The following NEDD1 variants were observed in gnomAD, a reference collection of about 807,000 sequenced individuals.
NEDD1 encodes the protein protein NEDD1.
NEDD1 carries 33 observed loss-of-function variants against 74.0 expected under a neutral mutation model. The observed-to-expected ratio is 0.45, with a 90% confidence interval of 0.34 to 0.60. The LOEUF is 0.60. NEDD1 is among the 20% of genes least tolerant of loss of function. The probability of loss-of-function intolerance (pLI) is 0.01; values close to 1 mark genes in which losing one functional copy is unlikely to be tolerated. For missense variants in NEDD1, 746 were observed against 776.5 expected (o/e 0.96, Z 0.47); for synonymous variants, 250 against 264.4 (o/e 0.95, Z 0.53).
At chr12:96,924,483 TAGC>T (rs1875474684) in intron 6 of NEDD1, among the ~76,000 whole-genome samples, 1 of 152,250 alleles carries the variant, frequency 6.6e-6, no homozygotes, top group Non-Finnish European at 1.5e-5. Flanking sequence ...TAATTTTTCT[TAGC>T]AGTGCTTTGT....
Position 96,912,752 on chromosome 12 carries a change from G to T in NEDD1, c.166G>T (p.Gly56Cys). 1 of 1,606,186 alleles carries T rather than the reference G, an allele frequency of 6.2e-7. No homozygotes were observed. Among genetic ancestry groups the T allele is most frequent in the Non-Finnish European group, 8.5e-7 (1 of 1,173,404 alleles). ...NNFLVTASSS[G>C]DKIVVSSCKC... ...CTTTTTAGTAACAGCATCTTCCAGT[G>T]GCGACAAAATAGTTGTCTCAAGTTG... The change falls in exon 4 of 16, where the codon GGC becomes TGC. Residue 56 changes from glycine to cysteine, a missense_variant. Around this residue, in one of 3 missense-constraint regions of NEDD1, gnomAD observed 706 missense variants for 706.7 expected, o/e 1.00. Coordinates refer to ENST00000266742, the MANE Select transcript of NEDD1 (RefSeq NM_152905.4).
intron 11 of NEDD1, among the ~76,000 whole-genome samples, chr12:96,943,217 T>C (rs1433042271): frequency 1.3e-5 from 2 of 152,038 alleles, no homozygotes; most frequent in Admixed American, 6.6e-5. Flanking sequence ...ACCACAGATA[T>C]ATACCAAATT....
At chr12:96,939,719 T>C (rs1699307811) in intron 9 of NEDD1, among the ~76,000 whole-genome samples, 1 of 152,072 alleles carries the variant, frequency 6.6e-6, no homozygotes, top group Non-Finnish European at 1.5e-5. Flanking sequence ...GTCCCTACTC[T>C]AAAGCCATGT....
intron 13 of NEDD1, 89 bp downstream of exon 13, chr12:96,944,884 C>A (rs1168795134): frequency 2.0e-6 from 2 of 976,680 alleles, no homozygotes; most frequent in Non-Finnish European, 3.0e-6. Flanking sequence ...ATAGAGTAAT[C>A]ATAGACTAAA....
At chr12:96,939,694 A>T (rs1877475682) in intron 9 of NEDD1, among the ~76,000 whole-genome samples, 1 of 152,030 alleles carries the variant, frequency 6.6e-6, no homozygotes, top group Non-Finnish European at 1.5e-5. Flanking sequence ...GAGCCTGCTG[A>T]GCTCCTCTTA....
At chr12:96,940,636 G>A (rs1253453702) in intron 10 of NEDD1, 99 bp downstream of exon 10, 1 of 766,364 alleles carries the variant, frequency 1.3e-6, no homozygotes, top group African/African-American at 1.8e-5. Context: ...TCTATTCACG[G>A]ATCAGTTTGC....
At chr12:96,935,990 T>C (rs943331390) in intron 7 of NEDD1, among the ~76,000 whole-genome samples, 7 of 152,200 alleles carry the variant, frequency 4.6e-5, no homozygotes, top group Admixed American at 3.3e-4. Flanking sequence ...ATTTGCTGTC[T>C]TCTTTTATGG....
intron 6 of NEDD1, among the ~76,000 whole-genome samples, chr12:96,933,769 A>G (rs1265724607): frequency 6.6e-6 from 1 of 152,202 alleles, no homozygotes; most frequent in African/African-American, 2.4e-5. Context: ...AGTAGAATAT[A>G]AATTCATAGG....
intron 12 of NEDD1, among the ~76,000 whole-genome samples, chr12:96,944,398 G>A (rs1257726348): frequency 6.6e-6 from 1 of 151,682 alleles, no homozygotes; most frequent in Non-Finnish European, 1.5e-5. Context: ...ATACTTAACA[G>A]CAGGTGCTTA....
chr12:96,927,467 T>C (rs1280242585), intron 6 of NEDD1, among the ~76,000 whole-genome samples: 2 of 152,260 alleles, frequency 1.3e-5, no homozygotes, highest in African/African-American at 4.8e-5. Context: ...TAATTGCATG[T>C]CACTCTTTAG....
intron 10 of NEDD1, among the ~76,000 whole-genome samples, chr12:96,942,354 T>G (rs533112523): frequency 6.6e-6 from 1 of 152,238 alleles, no homozygotes; most frequent in South Asian, 2.1e-4. Flanking sequence ...ATTAAATGAC[T>G]GTACTATAGA....
chr12:96,931,884 G>C (rs992597573), intron 6 of NEDD1, among the ~76,000 whole-genome samples: 1 of 151,870 alleles, frequency 6.6e-6, no homozygotes, highest in Admixed American at 6.6e-5. Context: ...GATTATGGAT[G>C]GTTTTTCTTC....
chr12:96,910,741 T>C (rs1464086649), intron 3 of NEDD1, among the ~76,000 whole-genome samples: 1 of 152,242 alleles, frequency 6.6e-6, no homozygotes, highest in Non-Finnish European at 1.5e-5. Flanking sequence ...GAACCACTGC[T>C]GTGACCACAG....
Position 96,936,154 on chromosome 12 carries a change from C to G in NEDD1, c.720-457C>G, listed in dbSNP as rs939167217. On this transcript the variant is annotated intron_variant, in intron 7 of 15. Coordinates refer to ENST00000266742, the MANE Select transcript of NEDD1 (RefSeq NM_152905.4). ...GTTCCTCTTAGCTTTTTGGCCAAGA[C>G]TGTACAACTAAGAACAAAGTAACAG... 2.6e-5 allele frequency among the ~76,000 whole-genome samples: 4 copies of G among 152,172 alleles called. No individual in the cohort carries two copies. The South Asian group carries it at 8.3e-4, about 32-fold the overall frequency.
At chr12:96,950,537 A>T (rs1033826293) in intron 14 of NEDD1, among the ~76,000 whole-genome samples, 1 of 151,992 alleles carries the variant, frequency 6.6e-6, no homozygotes, top group Non-Finnish European at 1.5e-5. Context: ...TGATATACAG[A>T]TATATAAAAC....
chr12:96,944,600 A>T (rs1565812276), intron 12 of NEDD1, 39 bp from the exon 13 acceptor site: 4 of 1,332,550 alleles, frequency 3.0e-6, no homozygotes, highest in Non-Finnish European at 3.1e-6. Flanking sequence ...TGAGTAAAAA[A>T]ATTGTATATT....
intron 11 of NEDD1, 62 bp from the exon 12 acceptor site, chr12:96,943,498 C>T: frequency 9.0e-7 from 1 of 1,111,688 alleles, no homozygotes; most frequent in African/African-American, 1.6e-5. Flanking sequence ...ATGTTAAATG[C>T]TTTTCTTCAA....
Position 96,907,326 on chromosome 12 carries a change from A to G in NEDD1, c.-262+26A>G, listed in dbSNP as rs966284897. On this transcript the variant is annotated intron_variant, in intron 1 of 15. Transcript: ENST00000266742. ...GTGAGGTTCCGGAGGCCCTGAGGTC[A>G]GCGGGCCCCCGCCCGCCGCGTCCGC... 7 of 363,826 alleles carry G rather than the reference A, an allele frequency of 1.9e-5. No homozygotes were observed. In the Admixed American group the frequency reaches 3.4e-4, roughly 18 times the overall value. 22.5% of individuals were successfully genotyped at this position (363,826 alleles called of 1,614,324 possible).
At chr12:96,951,767 T>C (rs759012482) in intron 15 of NEDD1, among the ~76,000 whole-genome samples, 182 bp from the exon 16 acceptor site, 7 of 151,790 alleles carry the variant, frequency 4.6e-5, no homozygotes, top group South Asian at 2.1e-4. Flanking sequence ...TTTCCAAATA[T>C]ACTAATTTCA....
Sources: gnomAD v4.1 joint callset for allele counts (sites outside exome capture counted in the v4.1 genomes callset) on GRCh38, gnomAD v4.1.1 for gene constraint, gnomAD v4.1.1 regional missense constraint, MANE v1.5 for transcripts, NCBI Gene and HGNC (gene_info 2026-07-23, HGNC 2026-07-21) for gene names.